SPIDR: variants seen among roughly 807,000 people sequenced by gnomAD.
The protein encoded by SPIDR is scaffold protein involved in DNA repair, also known as DNA repair-scaffolding protein.
Under a neutral mutation model 104.6 loss-of-function variants are expected in SPIDR, and 93 were observed. That is an observed-to-expected ratio of 0.89 (90% CI 0.75 to 1.06). The LOEUF (loss-of-function observed/expected upper bound fraction) is 1.06, where lower values mean the gene tolerates loss of function less well. Among genes scored for constraint, SPIDR ranks in the 50% least tolerant of loss-of-function variants. SPIDR has a pLI of 0.00. For missense variants in SPIDR, 1,154 were observed against 1,111.2 expected (o/e 1.04, Z -0.55); for synonymous variants, 431 against 416.9 (o/e 1.03, Z -0.41).
Position 47,565,242 on chromosome 8 carries a change from G to A in SPIDR, c.1098-30569G>A, listed in dbSNP as rs192016670. ...GCCTGGACAAGAAGGGTGAAATTCC[G>A]TCTCAAAAAGAAAGAGGAGAAGAGA... On this transcript the variant is annotated intron_variant, in intron 8 of 19. Transcript: ENST00000297423. 2.4e-4 allele frequency among the ~76,000 whole-genome samples: 37 copies of A among 152,164 alleles called. No homozygotes were observed. The East Asian group carries it at 4.8e-3, about 20-fold the overall frequency.
intron 5 of SPIDR, among the ~76,000 whole-genome samples, chr8:47,384,722 C>T (rs1283794168): frequency 6.6e-6 from 1 of 152,226 alleles, no homozygotes; most frequent in Non-Finnish European, 1.5e-5. Context: ...TCTCCTCCTC[C>T]TCCCTCTCAC....
intron 5 of SPIDR, among the ~76,000 whole-genome samples, chr8:47,362,661 T>C (rs1263137574): frequency 6.6e-6 from 1 of 152,210 alleles, no homozygotes; most frequent in African/African-American, 2.4e-5. Flanking sequence ...TTTGTTTTGT[T>C]TTGTTTTTCG....
chr8:47,359,825 C>T (rs1319130874), intron 5 of SPIDR, among the ~76,000 whole-genome samples: 1 of 152,118 alleles, frequency 6.6e-6, no homozygotes, highest in Non-Finnish European at 1.5e-5. Flanking sequence ...TGGGATACTT[C>T]GTAAGAACAA....
At chr8:47,399,616 A>G (rs2061618014) in intron 6 of SPIDR, among the ~76,000 whole-genome samples, 1 of 152,188 alleles carries the variant, frequency 6.6e-6, no homozygotes, top group Non-Finnish European at 1.5e-5. Context: ...AGTCGTGGTC[A>G]TGGACTGAGT....
At chr8:47,628,000 C>T (rs1449290683) in intron 10 of SPIDR, among the ~76,000 whole-genome samples, 1 of 152,220 alleles carries the variant, frequency 6.6e-6, no homozygotes, top group Non-Finnish European at 1.5e-5. Flanking sequence ...CATGATACCA[C>T]TGACTGTGTT....
chr8:47,494,047 G>A (rs1286494303), intron 8 of SPIDR, among the ~76,000 whole-genome samples: 1 of 151,064 alleles, frequency 6.6e-6, no homozygotes, highest in South Asian at 2.1e-4. Context: ...GGAATGCAGT[G>A]GCACAGTTAT....
At chr8:47,436,929 C>T (rs781929984) in intron 7 of SPIDR, among the ~76,000 whole-genome samples, 1 of 152,074 alleles carries the variant, frequency 6.6e-6, no homozygotes, top group African/African-American at 2.4e-5. Context: ...GCCATGGGAG[C>T]GCCGCTCAGT....
At chr8:47,516,149 C>T (rs1350319141) in intron 8 of SPIDR, among the ~76,000 whole-genome samples, 3 of 152,158 alleles carry the variant, frequency 2.0e-5, no homozygotes, top group Non-Finnish European at 4.4e-5. Flanking sequence ...CTTCGTTGCC[C>T]AGGCTGGTCT....
intron 2 of SPIDR, among the ~76,000 whole-genome samples, chr8:47,282,406 G>A (rs1052544447): frequency 5.3e-5 from 8 of 152,304 alleles, no homozygotes; most frequent in Middle Eastern, 3.4e-3. Context: ...GTTTTTTAGC[G>A]TAGCTACCTT....
chr8:47,721,764 C>T (rs1012770810), intron 16 of SPIDR, among the ~76,000 whole-genome samples: 3 of 152,178 alleles, frequency 2.0e-5, no homozygotes, highest in East Asian at 3.9e-4. Flanking sequence ...CGTGAGCCAC[C>T]GCGCCCGGCC....
At chr8:47,335,695 CCCA>C (rs1172618069) in intron 5 of SPIDR, among the ~76,000 whole-genome samples, 2 of 152,186 alleles carry the variant, frequency 1.3e-5, no homozygotes, top group Non-Finnish European at 2.9e-5. Context: ...AAGTGATACA[CCCA>C]CGTCGGCCTC....
chr8:47,266,511 T>C (rs1442194648), intron 1 of SPIDR, among the ~76,000 whole-genome samples: 3 of 152,220 alleles, frequency 2.0e-5, no homozygotes, highest in African/African-American at 7.2e-5. Flanking sequence ...ACATTTATTA[T>C]TGAAGGACCT....
At chr8:47,469,987 C>T (rs1314801592) in intron 8 of SPIDR, among the ~76,000 whole-genome samples, 2 of 152,100 alleles carry the variant, frequency 1.3e-5, no homozygotes, top group African/African-American at 4.8e-5. Context: ...AATATCCTAC[C>T]AAGCAATCTA....
At chr8:47,617,295 C>T (rs1304614127) in intron 10 of SPIDR, among the ~76,000 whole-genome samples, 1 of 152,132 alleles carries the variant, frequency 6.6e-6, no homozygotes, top group Non-Finnish European at 1.5e-5. Flanking sequence ...ACTGTTACCT[C>T]CATTGGTACC....
rs534764145 is a variant in SPIDR, at chr8:47,589,474, G to A, written c.1098-6337G>A. On this transcript the variant is annotated intron_variant, in intron 8 of 19. Coordinates refer to ENST00000297423, the MANE Select transcript of SPIDR (RefSeq NM_001080394.4). ...CAGGCAGAGGAGGTTGCAGTGAACC[G>A]AGATCACACCACTGCACTGCAGCCT... Among the ~76,000 whole-genome samples, 19 of 150,972 alleles carry A rather than the reference G, an allele frequency of 1.3e-4. No individual in the cohort carries two copies. The East Asian group carries it at 3.1e-3, about 25-fold the overall frequency.
upstream of SPIDR, chr8:47,260,886 G>C: frequency 8.5e-7 from 1 of 1,180,058 alleles, no homozygotes; most frequent in Non-Finnish European, 1.1e-6. Context: ...CCAATGGCAG[G>C]GCGCGGTGCG....
intron 11 of SPIDR, among the ~76,000 whole-genome samples, chr8:47,696,106 T>C (rs1000933057): frequency 6.6e-6 from 1 of 152,214 alleles, no homozygotes; most frequent in Non-Finnish European, 1.5e-5. Context: ...ACCTTACTCA[T>C]TTCCATGCAC....
rs372774880 is a variant in SPIDR at position 47,731,699 on chromosome 8, C to T, written c.2604+2234C>T. Among the ~76,000 whole-genome samples the T allele has an allele frequency of 1.8e-4, 28 of 152,292 alleles. No individual in the cohort carries two copies. The East Asian group carries it at 3.3e-3, about 18-fold the overall frequency. ...GAAGTTTAAGTGTATAACAGGCAACCGACCACACAGCAGTGCCTGTCAGCC... is the reference window on the plus strand; with the variant it reads ...GAAGTTTAAGTGTATAACAGGCAACTGACCACACAGCAGTGCCTGTCAGCC... On this transcript the variant is annotated intron_variant, in intron 19 of 19. Coordinates refer to ENST00000297423, the MANE Select transcript of SPIDR (RefSeq NM_001080394.4).
chr8:47,669,465 G>A (rs185791253), intron 10 of SPIDR, among the ~76,000 whole-genome samples: 33 of 152,326 alleles, frequency 2.2e-4, no homozygotes, highest in African/African-American at 7.0e-4. Context: ...CAGAGTGGGA[G>A]AGCATGTGTG....
Sources: allele counts gnomAD v4.1 joint callset (sites outside exome capture counted in the v4.1 genomes callset), GRCh38; gene constraint gnomAD v4.1.1; transcripts MANE v1.5; gene names NCBI Gene and HGNC (gene_info 2026-07-23, HGNC 2026-07-21).